Variants in PHF21B observed in about 807,000 individuals in gnomAD.
PHF21B encodes PHD finger protein 4.
A neutral mutation model predicts 62.2 loss-of-function variants in PHF21B; 22 were observed. The ratio of observed to expected loss-of-function variants is 0.35; its 90% confidence interval spans 0.25 to 0.51. The LOEUF (loss-of-function observed/expected upper bound fraction) is 0.51. Among genes scored for constraint, PHF21B ranks in the 20% least tolerant of loss-of-function variants. PHF21B has a pLI of 0.97. For missense variants in PHF21B, 701 were observed against 707.9 expected (o/e 0.99, Z 0.11); for synonymous variants, 341 against 314.7 (o/e 1.08, Z -0.88).
At chr22:44,998,418 C>T (rs1024205039) in intron 2 of PHF21B, among the ~76,000 whole-genome samples, 1 of 152,176 alleles carries the variant, frequency 6.6e-6, no homozygotes, top group African/African-American at 2.4e-5. Context: ...GCGCAGTGAT[C>T]AGAAGACCTG....
At chr22:44,962,871 C>G (rs2072452188) in intron 2 of PHF21B, among the ~76,000 whole-genome samples, 4 of 152,154 alleles carry the variant, frequency 2.6e-5, no homozygotes, top group Admixed American at 2.6e-4. Flanking sequence ...AGAGGCCCTA[C>G]AAGAACACCT....
intron 2 of PHF21B, among the ~76,000 whole-genome samples, chr22:44,977,487 C>T (rs2072759026): frequency 6.6e-6 from 1 of 152,032 alleles, no homozygotes; most frequent in Non-Finnish European, 1.5e-5. Flanking sequence ...ATCACTTGAA[C>T]CTGAGAGGCG....
At chr22:44,945,723 GGGGT>G (rs1026623178) in intron 2 of PHF21B, among the ~76,000 whole-genome samples, 12 of 26,168 alleles carry the variant, frequency 4.6e-4, no homozygotes, top group African/African-American at 1.5e-3. Context: ...AATTGGGGGG[GGGGT>G]GGTATAAAGC....
At chr22:44,994,937 C>G (rs989738210) in intron 2 of PHF21B, among the ~76,000 whole-genome samples, 1 of 152,276 alleles carries the variant, frequency 6.6e-6, no homozygotes, top group East Asian at 1.9e-4. Flanking sequence ...GCGGCAGCAT[C>G]TGAACTCACA....
chr22:44,929,778 G>A (rs1223637657), intron 2 of PHF21B, among the ~76,000 whole-genome samples: 8 of 152,214 alleles, frequency 5.3e-5, no homozygotes, highest in East Asian at 3.9e-4. Context: ...TCAGTCCTGC[G>A]CGCCTCTGTG....
Position 44,889,791 on chromosome 22 carries a change from G to A in PHF21B, c.1016-9C>T. The A allele has an allele frequency of 6.4e-7, 1 of 1,554,998 alleles. No homozygotes were observed. The highest frequency in any genetic ancestry group is 8.6e-7 in the Non-Finnish European group (1 of 1,158,834). On this transcript the variant is annotated splice_polypyrimidine_tract_variant and intron_variant, in intron 8 of 12. Transcript: ENST00000313237. Reference sequence around the variant, plus strand: ...GCAGGGGTCCTCATTGGCTAGCACAGGGAAGAAGGGCGGAGAACACGTTAG... The same window carrying A: ...GCAGGGGTCCTCATTGGCTAGCACAAGGAAGAAGGGCGGAGAACACGTTAG...
rs566272732 is a variant in PHF21B, at chr22:44,995,014, T to A, written c.120+13531A>T. Among the ~76,000 whole-genome samples the A allele has an allele frequency of 3.9e-5, 6 of 152,278 alleles. No individual in the cohort carries two copies. In the South Asian group the frequency reaches 1.2e-3, roughly 32 times the overall value. ...CTCATACTGGTACTCGCCAGCCAGG[T>A]CCCCGGCTCTCAGAGCTGTGTTTGC... On this transcript the variant is annotated intron_variant, in intron 2 of 12. Transcript: ENST00000313237.
At chr22:44,917,861 T>C (rs1027298573) in intron 3 of PHF21B, among the ~76,000 whole-genome samples, 13 of 152,204 alleles carry the variant, frequency 8.5e-5, no homozygotes, top group Admixed American at 4.6e-4. Flanking sequence ...CAGTATCACG[T>C]CTGTCAGCTC....
At chr22:44,901,275 C>T (rs1367005403) in intron 5 of PHF21B, among the ~76,000 whole-genome samples, 1 of 152,178 alleles carries the variant, frequency 6.6e-6, no homozygotes, top group Non-Finnish European at 1.5e-5. Context: ...ACTGGCCTGA[C>T]CTGGGAAGGC....
At chr22:44,910,674 C>T (rs1017861506) in intron 5 of PHF21B, among the ~76,000 whole-genome samples, 3 of 152,208 alleles carry the variant, frequency 2.0e-5, no homozygotes, top group Admixed American at 6.5e-5. Context: ...GCTTCCCCAG[C>T]CATCTGGAAC....
At chr22:44,975,204 C>G (rs2072714519) in intron 2 of PHF21B, among the ~76,000 whole-genome samples, 1 of 152,194 alleles carries the variant, frequency 6.6e-6, no homozygotes, top group African/African-American at 2.4e-5. Flanking sequence ...TCCAGGGAAG[C>G]AGAATCAAGG....
At chr22:44,969,054 C>A (rs2072586363) in intron 2 of PHF21B, 1 of 152,274 alleles carries the variant, frequency 6.6e-6, no homozygotes, top group African/African-American at 2.4e-5. Context: ...CCAAAGGATA[C>A]TGACACTTCC....
At chr22:44,899,377 G>A (rs763969739) in intron 5 of PHF21B, among the ~76,000 whole-genome samples, 11 of 133,564 alleles carry the variant, frequency 8.2e-5, no homozygotes, top group Non-Finnish European at 1.2e-4. Flanking sequence ...TGCAATCTCC[G>A]CCTCCTGGTT....
chr22:44,977,556 CTG>C (rs1372049081), intron 2 of PHF21B, among the ~76,000 whole-genome samples: 2 of 149,778 alleles, frequency 1.3e-5, no homozygotes, highest in East Asian at 2.0e-4. Context: ...CAGAGCGAGA[CTG>C]TGTCTCAAAA....
intron 2 of PHF21B, among the ~76,000 whole-genome samples, chr22:44,945,279 C>G (rs2072044299): frequency 6.6e-6 from 1 of 152,214 alleles, no homozygotes; most frequent in Non-Finnish European, 1.5e-5. Flanking sequence ...CAGGCTCGCT[C>G]TGGGTAGGAG....
At chr22:44,895,262 G>A (rs2071036295) in intron 6 of PHF21B, among the ~76,000 whole-genome samples, 1 of 152,108 alleles carries the variant, frequency 6.6e-6, no homozygotes, top group Non-Finnish European at 1.5e-5. Flanking sequence ...GCTTCCCCAA[G>A]GGGGCTGGTT....
intron 5 of PHF21B, among the ~76,000 whole-genome samples, chr22:44,905,624 G>GT (rs1012845025): frequency 3.3e-5 from 5 of 151,614 alleles, no homozygotes; most frequent in African/African-American, 1.2e-4. Context: ...ATTTCTTTTT[G>GT]TTTTTTTGTT....
At chr22:44,972,754 A>C (rs959343527) in intron 2 of PHF21B, among the ~76,000 whole-genome samples, 4 of 152,214 alleles carry the variant, frequency 2.6e-5, no homozygotes, top group African/African-American at 9.6e-5. Context: ...TCCTAGGACA[A>C]ATAGGATTCT....
intron 2 of PHF21B, among the ~76,000 whole-genome samples, chr22:44,968,098 A>C (rs933076530): frequency 5.9e-5 from 9 of 152,012 alleles, no homozygotes; most frequent in Admixed American, 5.9e-4. Flanking sequence ...CAGTTACTTT[A>C]CTTCCTTCCT....
Sources: allele counts gnomAD v4.1 joint callset (sites outside exome capture counted in the v4.1 genomes callset), GRCh38; gene constraint gnomAD v4.1.1; transcripts MANE v1.5; gene names NCBI Gene and HGNC (gene_info 2026-07-23, HGNC 2026-07-21).